The following CALML6 variants were observed in gnomAD, a reference collection of about 807,000 sequenced individuals.
CALML6 encodes the protein calmodulin like 6.
A neutral mutation model predicts 25.0 loss-of-function variants in CALML6; 27 were observed. The observed-to-expected ratio is 1.08, with a 90% CI of 0.80 to 1.49. The LOEUF (loss-of-function observed/expected upper bound fraction) is 1.49. Among genes scored for constraint, CALML6 ranks in the 40% most tolerant of loss-of-function variants. The probability of loss-of-function intolerance (pLI) is 0.00; values close to 1 mark genes in which losing one functional copy is unlikely to be tolerated. For synonymous variants in CALML6, 97 were observed against 87.2 expected, an observed-to-expected ratio of 1.11 and a Z score of -0.63; for missense variants, 239 against 232.7, an observed-to-expected ratio of 1.03 and a Z score of -0.18.
At position 1,917,005 on chromosome 1, in the gene CALML6, A is replaced by G. The variant is rs148911334; in HGVS notation, c.430A>G (p.Asn144Asp). The change falls in exon 5 of 6, where the codon AAC becomes GAC. Residue 144 changes from asparagine (N) to aspartate (D), a missense_variant. Physicochemically the swap from Asn to Asp is conservative, Grantham distance 23. Coordinates refer to ENST00000307786, the MANE Select transcript of CALML6 (RefSeq NM_138705.4). ...YVLMNAGEPL[N>D]EVEAEQMMKE... ...GCTAATGAACGCAGGGGAGCCCCTC[A>G]ACGAGGTGGAGGCGGAGCAGATGAT... 5.9e-5 allele frequency: 95 copies of G among 1,609,906 alleles called. No individual in the cohort carries two copies. In the African/African-American group the frequency reaches 1.1e-3, roughly 19 times the overall value.
Position 1,916,788 on chromosome 1 carries a change from T to C in CALML6, c.290T>C (p.Leu97Pro), listed in dbSNP as rs747484520. The C allele has an allele frequency of 6.2e-7, 1 of 1,613,582 alleles. No individual in the cohort carries two copies. The highest frequency in any genetic ancestry group is 1.1e-5 in the South Asian group (1 of 91,088). ...TTCAACTGCGATGGTTTCCTGGCAC[T>C]AATGGGAGTTTACCATGAGAAGGCC... ...GFFNCDGFLALMGVYHEKAQN... is the reference protein window; with the variant it reads ...GFFNCDGFLAPMGVYHEKAQN... The change falls in exon 4 of 6, where the codon CTA becomes CCA. Residue 97 changes from leucine to proline, a missense_variant. This residue lies in a region of CALML6 where 231 missense variants were observed against 210.9 expected (regional missense o/e 1.10). Transcript: ENST00000307786.
At chr1:1,916,093 C>T (rs1557971313) in intron 2 of CALML6, 8 of 429,072 alleles carry the variant, frequency 1.9e-5, no homozygotes, top group Non-Finnish European at 3.4e-5. Context: ...TCCTCCCCAC[C>T]CTGCTCTCGG....
intron 2 of CALML6, chr1:1,916,222 G>GC: frequency 2.0e-6 from 1 of 500,364 alleles, no homozygotes; most frequent in Non-Finnish European, 3.5e-6. Context: ...TCTGGCCCTT[G>GC]CCCCTGTTAG....
chr1:1,916,603 G>A lies in CALML6; in HGVS notation c.241G>A (p.Val81Met), dbSNP rs975440430. The A allele has an allele frequency of 8.1e-6, 13 of 1,607,772 alleles. No homozygotes were observed. Among genetic ancestry groups the A allele is most frequent in the Non-Finnish European group, 1.1e-5 (13 of 1,176,866 alleles). ...TGAGCTGGCCTCAATGGCCAAGGAT[G>A]TGGACAGAGACAGTGAGCTCATGGC... The part of the protein sequence containing the change: ...KSELASMAKD[V>M]DRDNKGFFNC... The change falls in exon 3 of 6, where the codon GTG becomes ATG. Residue 81 changes from valine to methionine, a missense_variant. This residue lies in a region of CALML6 where 231 missense variants were observed against 210.9 expected (regional missense o/e 1.10). Transcript: ENST00000307786.
In CALML6 at chr1:1,916,822, G is replaced by A. The variant is rs201233346; in HGVS notation, c.324G>A (p.Gln108=). 2.7e-5 allele frequency: 43 copies of A among 1,613,428 alleles called. No individual in the cohort carries two copies. The highest frequency in any genetic ancestry group is 8.3e-5 in the Admixed American group (5 of 60,000). Residue 108 remains glutamine (Q), a synonymous_variant, in exon 4 of 6, where the codon CAG becomes CAA. Transcript: ENST00000307786. ...MGVYHEKAQN[Q]ESELRAAFRV... is the part of the protein sequence containing the mutation. ...TTTACCATGAGAAGGCCCAGAACCA[G>A]GAGAGCGAGCTGAGGGCGGCATTCC...
Position 1,917,127 on chromosome 1 carries a change from A to T in CALML6, c.500-20A>T. On this transcript the variant is annotated intron_variant, in intron 5 of 5. Coordinates refer to ENST00000307786, the MANE Select transcript of CALML6 (RefSeq NM_138705.4). ...TTGGCTGGGCCGGGGCAAGCTGCTG[A>T]CCTGCCCCTCTGTTCCCAGAGTTTG... 1.2e-6 allele frequency: 2 copies of T among 1,608,212 alleles called. No individual in the cohort carries two copies. The highest frequency in any genetic ancestry group is 1.7e-6 in the Non-Finnish European group (2 of 1,178,374).
chr1:1,915,775 C>G, intron 2 of CALML6, 40 bp downstream of exon 2: 1 of 1,604,310 alleles, frequency 6.2e-7, no homozygotes, highest in Non-Finnish European at 8.5e-7. Context: ...CTCTGGTGGG[C>G]TGGCTGGGTA....
chr1:1,916,090 C>T (rs1048545054), intron 2 of CALML6: 1 of 437,358 alleles, frequency 2.3e-6, no homozygotes, highest in African/African-American at 2.0e-5. Flanking sequence ...GGCTCCTCCC[C>T]ACCCTGCTCT....
At chr1:1,915,832 G>C in intron 2 of CALML6, 97 bp downstream of exon 2, 9 of 1,218,908 alleles carry the variant, frequency 7.4e-6, no homozygotes, top group Non-Finnish European at 9.6e-6. Context: ...CGGAGCCTGG[G>C]CAGGAAGGGG....
chr1:1,916,447 CGCCTGTCG>C lies in CALML6; in HGVS notation c.88_95del (p.Leu30Ter). 6.5e-7 allele frequency: 1 copy of C among 1,526,880 alleles called. No individual in the cohort carries two copies. Among genetic ancestry groups the C allele is most frequent in the Non-Finnish European group, 8.8e-7 (1 of 1,133,670 alleles). 94.6% of individuals were successfully genotyped at this position (1,526,880 alleles called of 1,614,324 possible). ...GTGCGGGTGTCCCCTGCAGACAGAG[CGCCTGTCG>C]GCTGAGCAGATCAAGGAGTACAAGG... On this transcript the variant is annotated frameshift_variant, in exon 3 of 6. Transcript: ENST00000307786. LOFTEE classifies it high-confidence loss of function.
intron 4 of CALML6, 25 bp downstream of exon 4, chr1:1,916,921 G>A: frequency 6.2e-7 from 1 of 1,601,932 alleles, no homozygotes; most frequent in South Asian, 1.1e-5. Context: ...GGGGGCGGGT[G>A]GTGGGCGGGC....
intron 4 of CALML6, 34 bp downstream of exon 4, chr1:1,916,930 G>GGGGGGGGGGGGGGGGGGGGGGGGC: frequency 4.5e-6 from 3 of 664,916 alleles, no homozygotes; most frequent in Non-Finnish European, 7.9e-6. Flanking sequence ...TGGTGGGCGG[G>GGGGGGGGGGGGGGGGGGGGGGGGC]CACGGGCAGG....
chr1:1,916,707 G>A, intron 3 of CALML6, 45 bp from the exon 4 acceptor site: 1 of 1,612,770 alleles, frequency 6.2e-7, no homozygotes, highest in African/African-American at 1.3e-5. Context: ...AGCCCATGGG[G>A]AGTGCTGTGC....
intron 2 of CALML6, chr1:1,916,189 C>T (rs1024217290): frequency 4.3e-6 from 2 of 460,790 alleles, no homozygotes; most frequent in African/African-American, 3.9e-5. Flanking sequence ...GCTGCTGTTC[C>T]CTCGCACGCT....
At chr1:1,915,839 G>A in intron 2 of CALML6, 104 bp downstream of exon 2, 1 of 1,180,580 alleles carries the variant, frequency 8.5e-7, no homozygotes. Context: ...TGGGCAGGAA[G>A]GGGCTGAGGT....
chr1:1,916,848 G>A lies in CALML6; in HGVS notation c.350G>A (p.Arg117His), dbSNP rs201706077. ...NQESELRAAF[R>H]VFDKEGKGYI... ...GAGAGCGAGCTGAGGGCGGCATTCC[G>A]TGTCTTTGACAAAGAGGGCAAGGGC... is the stretch of plus-strand genomic sequence containing the variant. The change falls in exon 4 of 6, where the codon CGT (arginine) becomes CAT (histidine). Residue 117 changes from arginine to histidine, a missense_variant. Arg to His is a conservative substitution (Grantham distance 29). This residue lies in a region of CALML6 where 231 missense variants were observed against 210.9 expected (regional missense o/e 1.10). Transcript: ENST00000307786. The A allele has an allele frequency of 4.8e-5, 75 of 1,578,416 alleles. No individual in the cohort carries two copies. In the East Asian group the frequency reaches 1.1e-3, roughly 22 times the overall value.
chr1:1,915,846 A>G (rs916156193), intron 2 of CALML6, 111 bp downstream of exon 2: 39 of 1,072,362 alleles, frequency 3.6e-5, no homozygotes, highest in Non-Finnish European at 5.2e-5. Context: ...GAAGGGGCTG[A>G]GGTAGAAGAG....
At position 1,916,855 on chromosome 1, in the gene CALML6, T is replaced by C. The variant is rs374263236; in HGVS notation, c.357T>C (p.Phe119=). Residue 119 remains phenylalanine, a synonymous_variant, in exon 4 of 6, where the codon TTT becomes TTC. Coordinates refer to ENST00000307786, the MANE Select transcript of CALML6 (RefSeq NM_138705.4). The part of the protein sequence containing the change: ...ESELRAAFRV[F]DKEGKGYIDW... ...AGCTGAGGGCGGCATTCCGTGTCTT[T>C]GACAAAGAGGGCAAGGGCTACATTG... is the stretch of plus-strand genomic sequence containing the variant. The C allele has an allele frequency of 3.2e-5, 51 of 1,584,266 alleles. 1 individual carries two copies. The highest frequency in any genetic ancestry group is 7.3e-5 in the Admixed American group (4 of 54,676).
In CALML6 at chr1:1,917,133, C is replaced by A. The variant is rs1651159915; in HGVS notation, c.500-14C>A. ...GGGCCGGGGCAAGCTGCTGACCTGCCCCTCTGTTCCCAGAGTTTGTGGCCA... is the reference window on the plus strand; with the variant it reads ...GGGCCGGGGCAAGCTGCTGACCTGCACCTCTGTTCCCAGAGTTTGTGGCCA... On this transcript the variant is annotated splice_polypyrimidine_tract_variant and intron_variant, in intron 5 of 5. Transcript: ENST00000307786. 1.9e-6 allele frequency: 3 copies of A among 1,608,596 alleles called. No homozygotes were observed. In the East Asian group the frequency reaches 6.7e-5, roughly 36 times the overall value.
Sources: gnomAD v4.1 joint callset for allele counts on GRCh38, gnomAD v4.1.1 for gene constraint, gnomAD v4.1.1 regional missense constraint, MANE v1.5 for transcripts, NCBI Gene and HGNC (gene_info 2026-07-23, HGNC 2026-07-21) for gene names.